P2RY8: variants seen among roughly 807,000 people sequenced by gnomAD.
The protein encoded by P2RY8 is S-geranylgeranyl-glutathione receptor P2RY8.
In P2RY8, 6 loss-of-function variants were observed where a neutral mutation model predicts 10.0. That is an observed-to-expected ratio of 0.60 (90% CI 0.33 to 1.19). The LOEUF (loss-of-function observed/expected upper bound fraction) is 1.19, where lower values mean the gene tolerates loss of function less well. Among genes scored for constraint, P2RY8 ranks in the 50% most tolerant of loss-of-function variants. The pLI is 0.04. For missense variants in P2RY8, 456 were observed against 542.0 expected (o/e 0.84, Z 1.58); for synonymous variants, 276 against 252.5 (o/e 1.09, Z -0.88).
chrX:1,474,980 G>A (rs778760488), intron 1 of P2RY8, among the ~76,000 whole-genome samples: 1 of 148,816 alleles, frequency 6.7e-6, no homozygotes, highest in South Asian at 2.1e-4. Context: ...GTGGACAGAT[G>A]GATGAGTGGG....
chrX:1,524,739 AT>A (rs2092426025), intron 1 of P2RY8, among the ~76,000 whole-genome samples: 1 of 55,926 alleles, frequency 1.8e-5, no homozygotes, highest in African/African-American at 6.7e-5. Context: ...CCATACATCC[AT>A]GCATCCATCC....
At chrX:1,516,018 A>G (rs2092345065) in intron 1 of P2RY8, among the ~76,000 whole-genome samples, 1 of 25,532 alleles carries the variant, frequency 3.9e-5, no homozygotes, top group Non-Finnish European at 6.2e-5. Flanking sequence ...CCCTGTCTCT[A>G]CTAAAAAAAA....
rs1334449333 is a variant in P2RY8 at position 1,514,889 on chromosome X, C to T, written c.-25+22032G>A. ...TCCCCTTCCCCTGTCTTCCTCTCCC[C>T]TCCCCTTCCCCTCCCCTCCCCTTCC... On this transcript the variant is annotated intron_variant, in intron 1 of 1. Transcript: ENST00000381297. Among the ~76,000 whole-genome samples the T allele has an allele frequency of 5.9e-4, 14 of 23,540 alleles. No homozygotes were observed. The East Asian group carries it at 8.7e-3, about 15-fold the overall frequency. The allele number at this position is 23,540 out of a possible 152,430, so 15.4% of individuals were successfully genotyped here. A position where few individuals can be genotyped will look rare whatever the true frequency, so the allele number is the denominator to read the frequency against.
At chrX:1,514,900 C>T (rs191540188) in intron 1 of P2RY8, among the ~76,000 whole-genome samples, 25 of 73,398 alleles carry the variant, frequency 3.4e-4, no homozygotes, top group African/African-American at 1.4e-3. Context: ...TCCCCTTCCC[C>T]TCCCCTCCCC....
intron 1 of P2RY8, among the ~76,000 whole-genome samples, chrX:1,525,349 T>G (rs1281309073): frequency 1.3e-5 from 2 of 152,132 alleles, no homozygotes; most frequent in African/African-American, 2.4e-5. Context: ...GGGTGGGGAC[T>G]TAATCCTATG....
intron 1 of P2RY8, among the ~76,000 whole-genome samples, chrX:1,527,361 C>T (rs1280189588): frequency 1.3e-5 from 2 of 152,008 alleles, no homozygotes; most frequent in Non-Finnish European, 2.9e-5. Context: ...CTTATCCATA[C>T]ATCCACTATT....
intron 1 of P2RY8, among the ~76,000 whole-genome samples, chrX:1,532,496 CACAT>C (rs2092486395): frequency 1.9e-4 from 11 of 58,794 alleles, no homozygotes; most frequent in African/African-American, 5.9e-4. Context: ...TGTATATATA[CACAT>C]ATATGTATAG....
chrX:1,481,563 G>A (rs1367828056), intron 1 of P2RY8, among the ~76,000 whole-genome samples: 1 of 91,292 alleles, frequency 1.1e-5, no homozygotes, highest in Non-Finnish European at 2.1e-5. Flanking sequence ...TTGGGTTTAG[G>A]AGAGTCCAGC....
chrX:1,487,452 A>G (rs1480239088), intron 1 of P2RY8, among the ~76,000 whole-genome samples: 72 of 152,146 alleles, frequency 4.7e-4, no homozygotes, highest in Non-Finnish European at 8.4e-4. Context: ...CAGAGGGCAT[A>G]AGGAACCTGG....
chrX:1,476,088 A>G (rs2091869611), intron 1 of P2RY8, among the ~76,000 whole-genome samples: 1 of 152,172 alleles, frequency 6.6e-6, no homozygotes, highest in African/African-American at 2.4e-5. Flanking sequence ...TGACCCAGGC[A>G]TCAGACCCCT....
intron 1 of P2RY8, among the ~76,000 whole-genome samples, chrX:1,503,808 T>C (rs1420978768): frequency 6.6e-6 from 1 of 151,822 alleles, no homozygotes; most frequent in African/African-American, 2.4e-5. Context: ...GGCAGGAGAA[T>C]CACTTGAACC....
chrX:1,498,118 TTGA>T (rs1461884943), intron 1 of P2RY8, among the ~76,000 whole-genome samples: 3 of 151,768 alleles, frequency 2.0e-5, no homozygotes, highest in Non-Finnish European at 4.4e-5. Flanking sequence ...CAGAAAACTG[TTGA>T]TGAGGCCGGG....
chrX:1,478,542 G>T (rs184543022), intron 1 of P2RY8, among the ~76,000 whole-genome samples: 3 of 151,888 alleles, frequency 2.0e-5, no homozygotes, highest in Admixed American at 6.6e-5. Flanking sequence ...GAAGTGGCAC[G>T]ATCTCGGCTC....
intron 1 of P2RY8, among the ~76,000 whole-genome samples, chrX:1,530,192 CTATCTATCTATCTATCTATCTATG>C (rs1569538875): frequency 6.8e-6 from 1 of 146,350 alleles, no homozygotes; most frequent in Non-Finnish European, 1.5e-5. Context: ...ATCTATCTAT[CTATCTATCTATCTATCTATCTATG>C]TATCCATGTA....
chrX:1,533,387 A>G lies in P2RY8; in HGVS notation c.-25+3534T>C, dbSNP rs1181547401. Among the ~76,000 whole-genome samples the G allele has an allele frequency of 1.7e-4, 25 of 146,240 alleles. 1 individual carries two copies. Among genetic ancestry groups the G allele is most frequent in the African/African-American group, 5.2e-4 (21 of 40,314 alleles). ...ATATTTACATATTTATTATTTAAACATATATTTATGTATTTTTTATTATTT... is the reference window on the plus strand; with the variant it reads ...ATATTTACATATTTATTATTTAAACGTATATTTATGTATTTTTTATTATTT... On this transcript the variant is annotated intron_variant, in intron 1 of 1. Transcript: ENST00000381297.
Position 1,465,532 on chromosome X carries a change from C to G in P2RY8, c.1027G>C (p.Gly343Arg). 1 of 1,611,914 alleles carries G rather than the reference C, an allele frequency of 6.2e-7. No homozygotes were observed. The highest frequency in any genetic ancestry group is 8.5e-7 in the Non-Finnish European group (1 of 1,179,664). The change falls in exon 2 of 2, where the codon GGG (glycine) becomes CGG (arginine). Residue 343 changes from glycine to arginine, a missense_variant. Coordinates refer to ENST00000381297, the MANE Select transcript of P2RY8 (RefSeq NM_178129.5). Reference sequence around the variant, plus strand: ...CCGGGCCTGGTGGCTCCCTCCATCCCTTCAGGGTGCGCACCGGCCTCGGAG... The same window carrying G: ...CCGGGCCTGGTGGCTCCCTCCATCCGTTCAGGGTGCGCACCGGCCTCGGAG... ...VRSEAGAHPE[G>R]MEGATRPGLQ... is the part of the protein sequence containing the mutation.
At chrX:1,467,264 C>G (rs1232007854) in intron 1 of P2RY8, among the ~76,000 whole-genome samples, 1 of 152,158 alleles carries the variant, frequency 6.6e-6, no homozygotes, top group African/African-American at 2.4e-5. Flanking sequence ...CGTCAACCCA[C>G]GGCTCCTCCC....
chrX:1,535,728 G>GACACACACACAC (rs1394998161), intron 1 of P2RY8, among the ~76,000 whole-genome samples: 1 of 54,816 alleles, frequency 1.8e-5, no homozygotes, highest in African/African-American at 6.7e-5. Context: ...CACACACACA[G>GACACACACACAC]ACACACACAC....
At chrX:1,500,444 AT>A (rs762230853) in intron 1 of P2RY8, among the ~76,000 whole-genome samples, 31 of 144,514 alleles carry the variant, frequency 2.1e-4, no homozygotes, top group South Asian at 2.2e-4. Flanking sequence ...TGCCCAGCTA[AT>A]TTTTTTTTTT....
Sources: gnomAD v4.1 joint callset for allele counts (sites outside exome capture counted in the v4.1 genomes callset) on GRCh38, gnomAD v4.1.1 for gene constraint, MANE v1.5 for transcripts, NCBI Gene and HGNC (gene_info 2026-07-23, HGNC 2026-07-21) for gene names.